Variants in HPS5 observed in about 807,000 individuals in gnomAD.
HPS5 encodes BLOC-2 complex member HPS5.
HPS5 carries 83 observed loss-of-function variants against 128.0 expected under a neutral mutation model. The observed-to-expected ratio is 0.65, with a 90% confidence interval of 0.54 to 0.78. The LOEUF is 0.78. Ranked by LOEUF, HPS5 falls within the 30% of genes least tolerant of loss-of-function variation. The pLI is 0.00. For synonymous variants in HPS5, 475 were observed against 470.2 expected (o/e 1.01, Z -0.13); for missense variants, 1,281 against 1,326.2 (o/e 0.97, Z 0.53).
intron 2 of HPS5, among the ~76,000 whole-genome samples, chr11:18,313,206 C>G (rs1863202480): frequency 6.6e-6 from 1 of 151,500 alleles, no homozygotes; most frequent in South Asian, 2.1e-4. Context: ...ACAATCAAAA[C>G]ACATACTTAT....
chr11:18,283,133 C>A (rs1859237573), intron 21 of HPS5, among the ~76,000 whole-genome samples: 1 of 152,052 alleles, frequency 6.6e-6, no homozygotes, highest in Non-Finnish European at 1.5e-5. Context: ...TCTCAAGTAG[C>A]TGGGATTACA....
chr11:18,293,418 T>C (rs997202811), intron 14 of HPS5, among the ~76,000 whole-genome samples: 2 of 152,154 alleles, frequency 1.3e-5, no homozygotes, highest in Non-Finnish European at 1.5e-5. Flanking sequence ...GTGATCCACC[T>C]GCCTCGGCCT....
At position 18,300,883 on chromosome 11, in the gene HPS5, T is replaced by A. The variant is rs759045020; in HGVS notation, c.930A>T (p.Gly310=). ...EHCVLTWTER[G]IYIFIPQNVQ... is the part of the protein sequence containing the mutation. ...CATTCTGAGGAATGAAAATATAAAT[T>A]CCTCTTTCTGTCCAAGTCAGCACAC... Residue 310 remains glycine (G), a synonymous_variant, in exon 9 of 23, where the codon GGA becomes GGT. Coordinates refer to ENST00000349215, the MANE Select transcript of HPS5 (RefSeq NM_181507.2). 1.9e-5 allele frequency: 31 copies of A among 1,601,794 alleles called. No homozygotes were observed. The South Asian group carries it at 3.4e-4, about 18-fold the overall frequency.
In HPS5 at chr11:18,298,833, G is replaced by A. The variant is rs761598432; in HGVS notation, c.1123C>T (p.Arg375Cys). The change falls in exon 10 of 23, where the codon CGT becomes TGT. Residue 375 changes from arginine (R) to cysteine (C), a missense_variant. By Grantham distance (180) the Arg-to-Cys change is radical (BLOSUM62 -3). Coordinates refer to ENST00000349215, the MANE Select transcript of HPS5 (RefSeq NM_181507.2). ...GAATTTTGGAAAAGACAGCATGTAC[G>A]AGCAGCCAAGTTCCATAGGCCTCTT... ...LRRGLWNLAA[R>C]TCCLFQNSVI... The A allele has an allele frequency of 9.6e-5, 155 of 1,614,150 alleles. No individual in the cohort carries two copies. Among genetic ancestry groups the A allele is most frequent in the Non-Finnish European group, 1.2e-4 (145 of 1,180,008 alleles).
At chr11:18,319,923 AC>A (rs1365201610) in intron 1 of HPS5, among the ~76,000 whole-genome samples, 48 of 152,278 alleles carry the variant, frequency 3.2e-4, no homozygotes, top group African/African-American at 1.1e-3. Context: ...AAACCATGGT[AC>A]AGGATCCAAG....
intron 6 of HPS5, among the ~76,000 whole-genome samples, chr11:18,307,697 T>A (rs1409028716): frequency 6.6e-6 from 1 of 151,112 alleles, no homozygotes; most frequent in African/African-American, 2.4e-5. Flanking sequence ...GTCATATCTA[T>A]CACTTTGGCT....
intron 16 of HPS5, among the ~76,000 whole-genome samples, chr11:18,289,970 ACC>A (rs1226789787): frequency 6.6e-6 from 1 of 152,164 alleles, no homozygotes; most frequent in East Asian, 1.9e-4. Context: ...CGAGCTCTTC[ACC>A]TATATTCATT....
At position 18,317,759 on chromosome 11, in the gene HPS5, G is replaced by A. The variant is rs775524606; in HGVS notation, c.100C>T (p.Arg34Cys). Residue 34 changes from arginine to cysteine, a missense_variant, in exon 2 of 23, where the codon CGT becomes TGT. Transcript: ENST00000349215. ...LLSALRLDSSRLKCTSIAVSR... is the reference protein window; with the variant it reads ...LLSALRLDSSCLKCTSIAVSR... ...AGGATCAAGAAATTCACCTTTAGACGACTGGAGTCCAGCCGCAGGGCTGAG... is the reference window on the plus strand; with the variant it reads ...AGGATCAAGAAATTCACCTTTAGACAACTGGAGTCCAGCCGCAGGGCTGAG... The A allele has an allele frequency of 8.1e-6, 13 of 1,613,434 alleles. No homozygotes were observed. The highest frequency in any genetic ancestry group is 5.0e-5 in the Admixed American group (3 of 59,934).
Position 18,310,853 on chromosome 11 carries a change from T to C in HPS5, c.365A>G (p.Lys122Arg). 1 of 1,611,214 alleles carries C rather than the reference T, an allele frequency of 6.2e-7. No homozygotes were observed. Among genetic ancestry groups the C allele is most frequent in the Non-Finnish European group, 8.5e-7 (1 of 1,178,790 alleles). The change falls in exon 5 of 23, where the codon AAA becomes AGA. Residue 122 changes from lysine to arginine, a missense_variant. Coordinates refer to ENST00000349215, the MANE Select transcript of HPS5 (RefSeq NM_181507.2). ...PEQMYVSSEH[K>R]GRRVTALCWD... ...GCAGAGAGCTGTGACTCTTCGGCCT[T>C]TGTGTTCTGAAGACACATACATTTG...
chr11:18,303,854 TAA>T (rs558254205), intron 8 of HPS5, among the ~76,000 whole-genome samples: 9 of 127,024 alleles, frequency 7.1e-5, no homozygotes, highest in Non-Finnish European at 6.9e-5. Flanking sequence ...ACTCCGTCTC[TAA>T]AAAAAAAAAA....
At position 18,310,819 on chromosome 11, in the gene HPS5, T is replaced by C. The variant is rs376908604; in HGVS notation, c.399A>G (p.Thr133=). 5 of 1,613,998 alleles carry C rather than the reference T, an allele frequency of 3.1e-6. No homozygotes were observed. In the African/African-American group the frequency reaches 6.7e-5, roughly 22 times the overall value. ...CACCTACAAAAACTCTAAGAATAGC[T>C]GTATCCCAGCAGAGAGCTGTGACTC... ...GRRVTALCWD[T]AILRVFVGDH... Residue 133 remains threonine, a synonymous_variant, in exon 5 of 23, where the codon ACA becomes ACG. Transcript: ENST00000349215.
At chr11:18,314,146 A>C (rs538476267) in intron 2 of HPS5, among the ~76,000 whole-genome samples, 29 of 152,280 alleles carry the variant, frequency 1.9e-4, no homozygotes, top group African/African-American at 5.8e-4. Flanking sequence ...CGCCAGTTCA[A>C]GGCTACAGTG....
intron 6 of HPS5, among the ~76,000 whole-genome samples, chr11:18,307,736 AAAAAC>A (rs1862531491): frequency 6.6e-6 from 1 of 151,926 alleles, no homozygotes; most frequent in African/African-American, 2.4e-5. Context: ...CTTTAAAAAA[AAAAAC>A]AAAGAAACAA....
chr11:18,310,970 A>C (rs749158957), intron 4 of HPS5, 37 bp from the exon 5 acceptor site: 1 of 1,529,492 alleles, frequency 6.5e-7, no homozygotes. Context: ...ACGTGGCAAC[A>C]GTGAACAAGG....
Position 18,308,975 on chromosome 11 carries a change from A to G in HPS5, c.582T>C (p.Leu194=), listed in dbSNP as rs146455658. The change falls in exon 6 of 23, where the codon CTT becomes CTC. Residue 194 remains leucine, a synonymous_variant. Coordinates refer to ENST00000349215, the MANE Select transcript of HPS5 (RefSeq NM_181507.2). The part of the protein sequence containing the change: ...YLDGRLLISS[L]TRSFLCDTER... ...CAGTGTCACACAAGAAGGATCGAGT[A>G]AGTGAAGATATAAGTAGCCTTCCAT... The G allele has an allele frequency of 1.2e-4, 189 of 1,614,120 alleles. No individual in the cohort carries two copies. In the African/African-American group the frequency reaches 2.2e-3, roughly 19 times the overall value.
intron 4 of HPS5, 66 bp from the exon 5 acceptor site, chr11:18,310,999 C>T: frequency 8.7e-7 from 1 of 1,145,820 alleles, no homozygotes; most frequent in Non-Finnish European, 1.3e-6. Flanking sequence ...TGTTGCATCA[C>T]AGTATCAACT....
chr11:18,315,546 G>A (rs957252909), intron 2 of HPS5, among the ~76,000 whole-genome samples: 2 of 152,006 alleles, frequency 1.3e-5, no homozygotes, highest in Non-Finnish European at 2.9e-5. Context: ...CCAGGAAGTG[G>A]AGGTTGCAGT....
At chr11:18,318,754 A>G (rs985573435) in intron 1 of HPS5, among the ~76,000 whole-genome samples, 1 of 152,204 alleles carries the variant, frequency 6.6e-6, no homozygotes, top group Non-Finnish European at 1.5e-5. Context: ...AAAGTCATGA[A>G]CTGTTTATAC....
chr11:18,285,932 T>C (rs1274735993), intron 19 of HPS5, among the ~76,000 whole-genome samples: 1 of 152,220 alleles, frequency 6.6e-6, no homozygotes, highest in African/African-American at 2.4e-5. Flanking sequence ...AACACATACA[T>C]ACCTATCTCC....
Sources: allele counts gnomAD v4.1 joint callset (sites outside exome capture counted in the v4.1 genomes callset), GRCh38; gene constraint gnomAD v4.1.1; transcripts MANE v1.5; gene names NCBI Gene and HGNC (gene_info 2026-07-23, HGNC 2026-07-21).